Variants in CAMTA1 observed in about 807,000 individuals in gnomAD.
CAMTA1 encodes calmodulin-binding transcription activator 1.
A neutral mutation model predicts 170.9 loss-of-function variants in CAMTA1; 27 were observed. That is an observed-to-expected ratio of 0.16 (90% CI 0.12 to 0.22). The LOEUF (loss-of-function observed/expected upper bound fraction) is 0.22. Ranked by LOEUF, CAMTA1 falls within the 10% of genes least tolerant of loss-of-function variation. The pLI is 1.00. For synonymous variants in CAMTA1, 833 were observed against 891.5 expected (o/e 0.93, Z 1.17); for missense variants, 1,619 against 2,217.2 (o/e 0.73, Z 5.42).
At chr1:7,304,995 T>C (rs1675365417) in intron 5 of CAMTA1, among the ~76,000 whole-genome samples, 1 of 152,100 alleles carries the variant, frequency 6.6e-6, no homozygotes, top group African/African-American at 2.4e-5. Context: ...AATTTAAATC[T>C]CTGAATGATT....
intron 16 of CAMTA1, among the ~76,000 whole-genome samples, chr1:7,740,978 G>A (rs1486165794): frequency 1.3e-5 from 2 of 152,196 alleles, no homozygotes; most frequent in African/African-American, 2.4e-5. Flanking sequence ...TTTAGAAAAA[G>A]TGGCAAAACC....
At chr1:7,391,423 A>C (rs2088702138) in intron 5 of CAMTA1, among the ~76,000 whole-genome samples, 1 of 151,828 alleles carries the variant, frequency 6.6e-6, no homozygotes, top group Non-Finnish European at 1.5e-5. Context: ...TAGATTAGGA[A>C]GCTGCTGCTC....
intron 11 of CAMTA1, among the ~76,000 whole-genome samples, chr1:7,705,029 C>G (rs1483413777): frequency 7.0e-6 from 1 of 142,808 alleles, no homozygotes; most frequent in African/African-American, 2.6e-5. Context: ...GCGTGGTGCG[C>G]GGCCACGCGT....
chr1:6,975,476 T>G lies in CAMTA1; in HGVS notation c.235-115828T>G, dbSNP rs118164164. ...ATTCCCAGGAGGGACGGTCATCGTT[T>G]GTTGACTGCAAGAATGAACGAATGC... On this transcript the variant is annotated intron_variant, in intron 3 of 22. Coordinates refer to ENST00000303635, the MANE Select transcript of CAMTA1 (RefSeq NM_015215.4). Among the ~76,000 whole-genome samples the G allele has an allele frequency of 1.5e-4, 23 of 152,268 alleles. No homozygotes were observed. The East Asian group carries it at 4.4e-3, about 29-fold the overall frequency.
At position 7,732,371 on chromosome 1, in the gene CAMTA1, C is replaced by T; in HGVS notation, c.2915-77C>T. The T allele has an allele frequency of 3.0e-6, 4 of 1,330,040 alleles. No homozygotes were observed. The highest frequency in any genetic ancestry group is 2.3e-5 in the East Asian group (1 of 43,192). 82.4% of individuals were successfully genotyped at this position (1,330,040 alleles called of 1,614,324 possible). A position where few individuals can be genotyped will look rare whatever the true frequency, so the allele number is the denominator to read the frequency against. ...ACGGACGGCATTTGGATGCTGGTCC[C>T]GCAAGGCTGGCGAGGCCACGTGTTG... On this transcript the variant is annotated intron_variant, in intron 11 of 22. Transcript: ENST00000303635. The surrounding 1 kb of genome is among the most constrained non-coding windows in gnomAD (Gnocchi z 4.1).
rs756980317 is a variant in CAMTA1 at position 7,747,723 on chromosome 1, G to A, written c.4631G>A (p.Arg1544Gln). ...TTTACCCTTAAGGGCCGACCCTTGCGGGAACAGCAAGAAGTAGCTGCTGCT... is the reference window on the plus strand; with the variant it reads ...TTTACCCTTAAGGGCCGACCCTTGCAGGAACAGCAAGAAGTAGCTGCTGCT... Reference protein sequence around the residue: ...AFRKYKGRPLREQQEVAAAVI... With the variant: ...AFRKYKGRPLQEQQEVAAAVI... The change falls in exon 19 of 23, where the codon CGG (arginine) becomes CAG (glutamine). Residue 1544 changes from arginine (R) to glutamine (Q), a missense_variant. Arg to Gln is a conservative substitution (Grantham distance 43). Coordinates refer to ENST00000303635, the MANE Select transcript of CAMTA1 (RefSeq NM_015215.4). 1.1e-5 allele frequency: 18 copies of A among 1,610,686 alleles called. No individual in the cohort carries two copies. Among genetic ancestry groups the A allele is most frequent in the South Asian group, 3.3e-5 (3 of 90,528 alleles).
At chr1:7,124,168 C>T (rs140229764) in intron 4 of CAMTA1, among the ~76,000 whole-genome samples, 7 of 152,258 alleles carry the variant, frequency 4.6e-5, no homozygotes, top group Non-Finnish European at 8.8e-5. Flanking sequence ...ACTGAAGCAG[C>T]GTCTCAGGTC....
At chr1:7,450,794 C>T (rs1296816600) in intron 5 of CAMTA1, among the ~76,000 whole-genome samples, 5 of 152,208 alleles carry the variant, frequency 3.3e-5, no homozygotes, top group Admixed American at 1.3e-4. Flanking sequence ...CTGGAGCCCG[C>T]GGACCCATCA....
chr1:7,359,879 G>A (rs916373), intron 5 of CAMTA1, among the ~76,000 whole-genome samples: 3,902 of 152,238 alleles, frequency 0.026, 106 homozygotes, highest in African/African-American at 0.066. Flanking sequence ...TACCACAAAC[G>A]GCGTGGCTTA....
chr1:7,298,854 A>T (rs1228718390), intron 5 of CAMTA1, among the ~76,000 whole-genome samples: 1 of 152,124 alleles, frequency 6.6e-6, no homozygotes, highest in Non-Finnish European at 1.5e-5. Context: ...GAAGAGAATC[A>T]CCAAAATGTT....
intron 5 of CAMTA1, among the ~76,000 whole-genome samples, chr1:7,278,880 A>G (rs1226913220): frequency 1.3e-5 from 2 of 152,184 alleles, no homozygotes; most frequent in Non-Finnish European, 2.9e-5. Flanking sequence ...AAGTGCAGGA[A>G]CTCTAAGATC....
chr1:7,507,215 GATACAC>G, intron 6 of CAMTA1, among the ~76,000 whole-genome samples: 1 of 151,736 alleles, frequency 6.6e-6, no homozygotes, highest in East Asian at 1.9e-4. Flanking sequence ...CACACTCACC[GATACAC>G]ACTTGCTCAC....
chr1:7,218,150 G>C lies in CAMTA1; in HGVS notation c.303-31341G>C, dbSNP rs148272526. Among the ~76,000 whole-genome samples, 440 of 152,280 alleles carry C rather than the reference G, an allele frequency of 2.9e-3. 1 individual carries two copies. The highest frequency in any genetic ancestry group is 0.01 in the African/African-American group (420 of 41,558). On this transcript the variant is annotated intron_variant, in intron 4 of 22. Coordinates refer to ENST00000303635, the MANE Select transcript of CAMTA1 (RefSeq NM_015215.4). ...TTGCCCCACCTTCTAAGTTGTTTTT[G>C]AGAAGGCTGACAACTGTCTCTGTTG...
intron 5 of CAMTA1, among the ~76,000 whole-genome samples, chr1:7,310,757 G>T (rs972757307): frequency 7.3e-6 from 1 of 137,416 alleles, no homozygotes; most frequent in African/African-American, 2.8e-5. Flanking sequence ...TTTTAAGACA[G>T]TCTTGCTCTG....
rs1467967909 is a variant in CAMTA1 at position 6,809,961 on chromosome 1, G to A, written c.46-10220G>A. ...TTTCAGAACCGTGGTGGCATATACA[G>A]AGTACTGGTAGAAATGATGGTGAAA... On this transcript the variant is annotated intron_variant, in intron 1 of 22. Transcript: ENST00000303635. Among the ~76,000 whole-genome samples, 5 of 152,218 alleles carry A rather than the reference G, an allele frequency of 3.3e-5. No individual in the cohort carries two copies. In the East Asian group the frequency reaches 9.6e-4, roughly 29 times the overall value.
chr1:7,377,006 C>G (rs1194077664), intron 5 of CAMTA1, among the ~76,000 whole-genome samples: 2 of 152,158 alleles, frequency 1.3e-5, no homozygotes, highest in East Asian at 3.9e-4. Flanking sequence ...CTGAAAAGTG[C>G]TCTGCCCAGG....
chr1:7,108,469 C>T (rs1304203859), intron 4 of CAMTA1, among the ~76,000 whole-genome samples: 1 of 152,194 alleles, frequency 6.6e-6, no homozygotes, highest in Non-Finnish European at 1.5e-5. Context: ...TTCTTCCTCA[C>T]TTCTGCTTTT....
intron 6 of CAMTA1, among the ~76,000 whole-genome samples, chr1:7,528,841 T>G (rs1880806): frequency 3.0e-5 from 3 of 100,344 alleles, no homozygotes; most frequent in Non-Finnish European, 6.9e-5. Context: ...ATGAATGAAG[T>G]GAGTGAATGA....
chr1:7,584,141 G>T lies in CAMTA1; in HGVS notation c.511-56259G>T, dbSNP rs546654260. Among the ~76,000 whole-genome samples the T allele has an allele frequency of 1.3e-4, 20 of 152,224 alleles. 1 individual carries two copies. In the South Asian group the frequency reaches 3.1e-3, roughly 24 times the overall value. ...ATTGTTAAAGAAAAACTTTATTCATGATGCTTGTTAAAGATGATAAGGCAG... is the reference window on the plus strand; with the variant it reads ...ATTGTTAAAGAAAAACTTTATTCATTATGCTTGTTAAAGATGATAAGGCAG... On this transcript the variant is annotated intron_variant, in intron 6 of 22. Transcript: ENST00000303635.
Sources: allele counts gnomAD v4.1 joint callset (sites outside exome capture counted in the v4.1 genomes callset), GRCh38; gene constraint gnomAD v4.1.1; non-coding constraint Gnocchi (gnomAD v3.1); transcripts MANE v1.5; gene names NCBI Gene and HGNC (gene_info 2026-07-23, HGNC 2026-07-21).